Variants in SSR2 observed in about 807,000 individuals in gnomAD.
SSR2 encodes translocon-associated protein subunit beta.
Under a neutral mutation model 22.6 loss-of-function variants are expected in SSR2, and 16 were observed. That is an observed-to-expected ratio of 0.71 (90% CI 0.48 to 1.08). SSR2 has a LOEUF of 1.08. SSR2 is among the 50% of genes least tolerant of loss of function. SSR2 has a pLI of 0.00. For synonymous variants in SSR2, 83 were observed against 91.2 expected (o/e 0.91, Z 0.51); for missense variants, 171 against 221.6 (o/e 0.77, Z 1.45).
At chr1:156,014,614 TCAC>T in intron 4 of SSR2, 1 of 201,826 alleles carries the variant, frequency 5.0e-6, no homozygotes, top group Non-Finnish European at 1.0e-5. Flanking sequence ...TGATCTCGGC[TCAC>T]TGCAACCTCT....
At chr1:156,020,278 C>G (rs571563268) in intron 1 of SSR2, 111 bp from the exon 2 acceptor site, 1 of 1,178,074 alleles carries the variant, frequency 8.5e-7, no homozygotes, top group East Asian at 2.5e-5. Context: ...GAACAGCAGC[C>G]CCTTCCACAG....
In SSR2 at chr1:156,020,187, G is replaced by T. The variant is rs768370244; in HGVS notation, c.1-20C>A. ...CCTCATCTTTAGAGAAAAAAGCAAA[G>T]TGAGTTATCAAACCAAGTACGTCAA... is the stretch of plus-strand genomic sequence containing the variant. On this transcript the variant is annotated intron_variant, in intron 1 of 5. Transcript: ENST00000295702. 2 of 1,612,564 alleles carry T rather than the reference G, an allele frequency of 1.2e-6. No homozygotes were observed. Among genetic ancestry groups the T allele is most frequent in the South Asian group, 2.2e-5 (2 of 90,976 alleles).
rs1558078315 is a variant in SSR2, at chr1:156,018,262, G to C, written c.254+8C>G. The C allele has an allele frequency of 1.2e-6, 2 of 1,612,272 alleles. No homozygotes were observed. Among genetic ancestry groups the C allele is most frequent in the Middle Eastern group, 3.3e-4 (2 of 6,062 alleles). On this transcript the variant is annotated splice_region_variant and intron_variant, in intron 3 of 5. Coordinates refer to ENST00000295702, the MANE Select transcript of SSR2 (RefSeq NM_003145.4). Reference sequence around the variant, plus strand: ...CCGACCCTTCATCACCAAGTGCCAAGAGGATACGGGGCAATCCGGTCCCAT... The same window carrying C: ...CCGACCCTTCATCACCAAGTGCCAACAGGATACGGGGCAATCCGGTCCCAT...
At chr1:156,018,406 T>C (rs755173327) in intron 2 of SSR2, 38 bp from the exon 3 acceptor site, 2 of 1,561,466 alleles carry the variant, frequency 1.3e-6, no homozygotes, top group South Asian at 1.1e-5. Flanking sequence ...TAGTAAGTAA[T>C]GGATATAAAA....
intron 2 of SSR2, among the ~76,000 whole-genome samples, chr1:156,018,581 G>A (rs1428805972): frequency 2.6e-5 from 4 of 151,300 alleles, no homozygotes; most frequent in South Asian, 2.1e-4. Context: ...GGTGGTGAGC[G>A]CCTGTAATCC....
chr1:156,012,549 G>A, intron 4 of SSR2: 1 of 456,288 alleles, frequency 2.2e-6, no homozygotes, highest in Admixed American at 2.3e-5. Context: ...TAGAACCAAA[G>A]AGTCCTGAGG....
In SSR2 at chr1:156,009,601, G is replaced by A; in HGVS notation, c.491C>T (p.Pro164Leu). The A allele has an allele frequency of 1.2e-6, 2 of 1,613,272 alleles. No homozygotes were observed. The highest frequency in any genetic ancestry group is 1.7e-6 in the Non-Finnish European group (2 of 1,179,688). The change falls in exon 6 of 6, where the codon CCC (proline) becomes CTC (leucine). Residue 164 changes from proline (P) to leucine (L), a missense_variant. Coordinates refer to ENST00000295702, the MANE Select transcript of SSR2 (RefSeq NM_003145.4). ...CTTGCTGGAGTACCACAATAGCAGGGGGATGCCGATGGAGGGAAGGGTCAT... is the reference window on the plus strand; with the variant it reads ...CTTGCTGGAGTACCACAATAGCAGGAGGATGCCGATGGAGGGAAGGGTCAT... Reference protein sequence around the residue: ...GVMTLPSIGIPLLLWYSSKRK... With the variant: ...GVMTLPSIGILLLLWYSSKRK...
intron 3 of SSR2, 112 bp downstream of exon 3, chr1:156,018,158 G>A: frequency 1.3e-6 from 1 of 746,668 alleles, no homozygotes; most frequent in Non-Finnish European, 2.4e-6. Flanking sequence ...TATCCAGAGA[G>A]ATGACAGGAG....
At chr1:156,019,487 C>T (rs1027512475) in intron 2 of SSR2, among the ~76,000 whole-genome samples, 2 of 151,962 alleles carry the variant, frequency 1.3e-5, no homozygotes, top group Non-Finnish European at 2.9e-5. Flanking sequence ...CGGGTTCAAG[C>T]GATTCTTTTG....
chr1:156,018,392 G>A, intron 2 of SSR2, 24 bp from the exon 3 acceptor site: 1 of 1,583,060 alleles, frequency 6.3e-7, no homozygotes, highest in Non-Finnish European at 8.7e-7. Context: ...GAAACAAAAA[G>A]GGTTAGTAAG....
chr1:156,009,670 C>T lies in SSR2; in HGVS notation c.442-20G>A. 1 of 1,572,392 alleles carries T rather than the reference C, an allele frequency of 6.4e-7. No individual in the cohort carries two copies. The highest frequency in any genetic ancestry group is 8.7e-7 in the Non-Finnish European group (1 of 1,154,772). ...GTCCAGCTGTAAAGGAAAACAAAGACCTTGCTTAGAAGTCTGGATTAGGGC... is the reference window on the plus strand; with the variant it reads ...GTCCAGCTGTAAAGGAAAACAAAGATCTTGCTTAGAAGTCTGGATTAGGGC... On this transcript the variant is annotated intron_variant, in intron 5 of 5. Coordinates refer to ENST00000295702, the MANE Select transcript of SSR2 (RefSeq NM_003145.4).
rs867226926 is a variant in SSR2, at chr1:156,012,277, C to T, written c.364-390G>A. 15 of 305,202 alleles carry T rather than the reference C, an allele frequency of 4.9e-5. No homozygotes were observed. In the Middle Eastern group the frequency reaches 7.2e-3, roughly 147 times the overall value. 18.9% of individuals were successfully genotyped at this position (305,202 alleles called of 1,614,324 possible). A position where few individuals can be genotyped will look rare whatever the true frequency, so the allele number is the denominator to read the frequency against. On this transcript the variant is annotated intron_variant, in intron 4 of 5. Transcript: ENST00000295702. ...GCAAGGTGTGCGTGGAATGACTTAC[C>T]CTTGGTAATCATTTACTTAATCCTC...
Position 156,009,600 on chromosome 1 carries a change from G to A in SSR2, c.492C>T (p.Pro164=). The change falls in exon 6 of 6, where the codon CCC becomes CCT. Residue 164 remains proline, a synonymous_variant. Coordinates refer to ENST00000295702, the MANE Select transcript of SSR2 (RefSeq NM_003145.4). Reference sequence around the variant, plus strand: ...TCTTGCTGGAGTACCACAATAGCAGGGGGATGCCGATGGAGGGAAGGGTCA... The same window carrying A: ...TCTTGCTGGAGTACCACAATAGCAGAGGGATGCCGATGGAGGGAAGGGTCA... The part of the protein sequence containing the change: ...GVMTLPSIGI[P]LLLWYSSKRK... 6.2e-7 allele frequency: 1 copy of A among 1,613,294 alleles called. No individual in the cohort carries two copies. Among genetic ancestry groups the A allele is most frequent in the Non-Finnish European group, 8.5e-7 (1 of 1,179,688 alleles).
intron 3 of SSR2, among the ~76,000 whole-genome samples, chr1:156,016,589 C>T (rs28568795): frequency 2.0e-5 from 3 of 149,634 alleles, no homozygotes; most frequent in Non-Finnish European, 4.4e-5. Context: ...ATTGAAAATA[C>T]AAAAAAAAAA....
At chr1:156,011,003 T>C (rs1376189262) in intron 5 of SSR2, 1 of 151,966 alleles carries the variant, frequency 6.6e-6, no homozygotes, top group African/African-American at 2.4e-5. Flanking sequence ...CGTTTCGCTC[T>C]TGTTGTCCAG....
In SSR2 at chr1:156,020,243, G is replaced by A. The variant is rs775481673; in HGVS notation, c.1-76C>T. The A allele has an allele frequency of 1.2e-5, 18 of 1,523,252 alleles. No individual in the cohort carries two copies. In the East Asian group the frequency reaches 2.7e-4, roughly 23 times the overall value. 94.4% of individuals were successfully genotyped at this position (1,523,252 alleles called of 1,614,324 possible). A position where few individuals can be genotyped will look rare whatever the true frequency, so the allele number is the denominator to read the frequency against. ...CCAAAATCCTCTTGACAGCGCTCCC[G>A]TAGAAAGCTCCTTCGATGCTACCAG... On this transcript the variant is annotated intron_variant, in intron 1 of 5. Coordinates refer to ENST00000295702, the MANE Select transcript of SSR2 (RefSeq NM_003145.4).
chr1:156,009,823 G>A (rs754631309), intron 5 of SSR2, among the ~76,000 whole-genome samples, 173 bp from the exon 6 acceptor site: 1 of 152,112 alleles, frequency 6.6e-6, no homozygotes, highest in Non-Finnish European at 1.5e-5. Context: ...ACCTAGGCTG[G>A]TATGCAGTGG....
At position 156,019,470 on chromosome 1, in the gene SSR2, C is replaced by T. The variant is rs1033890094; in HGVS notation, c.155+543G>A. ...GCAATCTCCGGCTCACTGCAACTTC[C>T]GCCTCCCGGGTTCAAGCGATTCTTT... is the stretch of plus-strand genomic sequence containing the variant. On this transcript the variant is annotated intron_variant, in intron 2 of 5. Transcript: ENST00000295702. Among the ~76,000 whole-genome samples, 11 of 152,048 alleles carry T rather than the reference C, an allele frequency of 7.2e-5. 1 individual carries two copies. In the South Asian group the frequency reaches 8.3e-4, roughly 11 times the overall value.
intron 1 of SSR2, 95 bp from the exon 2 acceptor site, chr1:156,020,262 C>T: frequency 7.4e-7 from 1 of 1,357,322 alleles, no homozygotes; most frequent in Non-Finnish European, 1.0e-6. Context: ...TCCTTCGATG[C>T]TACCAGAACA....
Sources: allele counts gnomAD v4.1 joint callset (sites outside exome capture counted in the v4.1 genomes callset), GRCh38; gene constraint gnomAD v4.1.1; transcripts MANE v1.5; gene names NCBI Gene and HGNC (gene_info 2026-07-23, HGNC 2026-07-21).